UTP20: variants seen among roughly 807,000 people sequenced by gnomAD.
The protein encoded by UTP20 is small subunit processome component 20 homolog.
In UTP20, 164 loss-of-function variants were observed where a neutral mutation model predicts 329.5. The observed-to-expected ratio is 0.50, with a 90% CI of 0.44 to 0.57. The LOEUF (loss-of-function observed/expected upper bound fraction) is 0.57, where lower values mean the gene tolerates loss of function less well. Ranked by LOEUF, UTP20 falls within the 20% of genes least tolerant of loss-of-function variation. UTP20 has a pLI of 0.00. For synonymous variants in UTP20, 1,151 were observed against 1,159.3 expected, an observed-to-expected ratio of 0.99 and a Z score of 0.14; for missense variants, 3,055 against 3,284.2, an observed-to-expected ratio of 0.93 and a Z score of 1.71.
chr12:101,293,488 A>T (rs536210128), intron 11 of UTP20, among the ~76,000 whole-genome samples: 396 of 152,366 alleles, frequency 2.6e-3, no homozygotes, highest in Non-Finnish European at 4.3e-3. Flanking sequence ...AGAAACTTTT[A>T]TGTGAATTTG....
chr12:101,383,669 G>T lies in UTP20; in HGVS notation c.8056G>T (p.Asp2686Tyr). 1 of 1,596,160 alleles carries T rather than the reference G, an allele frequency of 6.3e-7. No homozygotes were observed. ...ACTCAACAGCACCTATTCAGAGCAA[G>T]GTAACCCTGCCTCGTCTGTTCTCCT... ...RELNSTYSEQ[D>Y]PLLKNLSQEI... is the part of the protein sequence containing the mutation. The change falls in exon 60 of 62, where the codon GAT becomes TAT. Residue 2686 changes from aspartate to tyrosine, a missense_variant and splice_region_variant. Physicochemically the swap from Asp to Tyr is radical, Grantham distance 160 (BLOSUM62 -3). This residue lies in a region of UTP20 where 337 missense variants were observed against 345.5 expected (regional missense o/e 0.98). Coordinates refer to ENST00000261637, the MANE Select transcript of UTP20 (RefSeq NM_014503.3).
At chr12:101,325,519 T>G (rs550204796) in intron 25 of UTP20, among the ~76,000 whole-genome samples, 1 of 152,388 alleles carries the variant, frequency 6.6e-6, no homozygotes, top group South Asian at 2.1e-4. Context: ...CTACTAGTCA[T>G]TCTTCATTGC....
chr12:101,385,218 A>C (rs1348594643), intron 60 of UTP20, among the ~76,000 whole-genome samples: 4 of 152,094 alleles, frequency 2.6e-5, no homozygotes, highest in African/African-American at 9.7e-5. Flanking sequence ...AAACAGAGGT[A>C]ATTCAAAACG....
At chr12:101,369,654 C>CT (rs1250638971) in intron 48 of UTP20, 67 bp from the exon 49 acceptor site, 1 of 782,832 alleles carries the variant, frequency 1.3e-6, no homozygotes, top group Non-Finnish European at 2.3e-6. Flanking sequence ...TCTGCATAGC[C>CT]TCAGGTGCTG....
At position 101,385,631 on chromosome 12, in the gene UTP20, A is replaced by G. The variant is rs1482509013; in HGVS notation, c.8105A>G (p.Lys2702Arg). The G allele has an allele frequency of 1.2e-6, 2 of 1,613,930 alleles. No homozygotes were observed. The highest frequency in any genetic ancestry group is 1.7e-6 in the Non-Finnish European group (2 of 1,180,020). ...CAGGAAATCATAGAATTACTCAAAAAGCTGGTTGGGCTTGAGAGCTTCTCA... is the reference window on the plus strand; with the variant it reads ...CAGGAAATCATAGAATTACTCAAAAGGCTGGTTGGGCTTGAGAGCTTCTCA... ...LSQEIIELLK[K>R]LVGLESFSLA... Residue 2702 changes from lysine to arginine, a missense_variant, in exon 61 of 62, where the codon AAG becomes AGG. Transcript: ENST00000261637.
chr12:101,385,995 A>C lies in UTP20; in HGVS notation c.8230A>C (p.Lys2744Gln), dbSNP rs779969473. The C allele has an allele frequency of 6.2e-6, 10 of 1,601,928 alleles. No homozygotes were observed. In the East Asian group the frequency reaches 8.9e-5, roughly 14 times the overall value. Reference protein sequence around the residue: ...EFVTNPDIAAKKKMKKHKNKS... With the variant: ...EFVTNPDIAAQKKMKKHKNKS... The stretch of plus-strand genomic sequence containing the variant: ...TGTAACTAATCCTGATATTGCTGCC[A>C]AGAAAAAAATGAAGAAACACAAAAA... The change falls in exon 62 of 62, where the codon AAG becomes CAG. Residue 2744 changes from lysine (K) to glutamine (Q), a missense_variant. Lys to Gln is a moderately conservative substitution (Grantham distance 53). Transcript: ENST00000261637.
Position 101,324,876 on chromosome 12 carries a change from A to G in UTP20, c.3042-2205A>G, listed in dbSNP as rs373733702. Among the ~76,000 whole-genome samples the G allele has an allele frequency of 2.0e-4, 31 of 152,298 alleles. 1 individual carries two copies. The highest frequency in any genetic ancestry group is 6.7e-4 in the African/African-American group (28 of 41,566). Reference sequence around the variant, plus strand: ...TCTTTCAATAAAGTGTTTTCATTTTATAACTACGTTTTGTTCTTGTAGAGG... The same window carrying G: ...TCTTTCAATAAAGTGTTTTCATTTTGTAACTACGTTTTGTTCTTGTAGAGG... On this transcript the variant is annotated intron_variant, in intron 25 of 61. Coordinates refer to ENST00000261637, the MANE Select transcript of UTP20 (RefSeq NM_014503.3).
In UTP20 at chr12:101,338,029, A is replaced by T. The variant is rs1205846652; in HGVS notation, c.3642-22A>T. ...TGAACATATTGAGAATAAGATGATT[A>T]CTACAATGTTTTTTCTTCCAGATAT... On this transcript the variant is annotated intron_variant, in intron 29 of 61. Coordinates refer to ENST00000261637, the MANE Select transcript of UTP20 (RefSeq NM_014503.3). 4 of 1,605,036 alleles carry T rather than the reference A, an allele frequency of 2.5e-6. No individual in the cohort carries two copies. In the South Asian group the frequency reaches 4.4e-5, roughly 18 times the overall value.
rs367568587 is a variant in UTP20, at chr12:101,290,821, A to G, written c.824A>G (p.Asn275Ser). Residue 275 changes from asparagine (N) to serine (S), a missense_variant, in exon 8 of 62, where the codon AAC (asparagine) becomes AGC (serine). Asn to Ser is a conservative substitution (Grantham distance 46). Around this residue, in one of 3 missense-constraint regions of UTP20, gnomAD observed 2,445 missense variants for 2,575.5 expected, o/e 0.95. Transcript: ENST00000261637. ...ATGTTAATTGGAGAAACACTCAAAA[A>G]CATGGTCAAATCCACTGTATCCTAC... Reference protein sequence around the residue: ...PWMLIGETLKNMVKSTVSYIS... With the variant: ...PWMLIGETLKSMVKSTVSYIS... The G allele has an allele frequency of 3.1e-6, 5 of 1,613,906 alleles. No homozygotes were observed. In the African/African-American group the frequency reaches 4.0e-5, roughly 13 times the overall value.
Position 101,363,638 on chromosome 12 carries a change from C to T in UTP20, c.5853C>T (p.Ser1951=), listed in dbSNP as rs757339501. 6.2e-6 allele frequency: 10 copies of T among 1,613,910 alleles called. No individual in the cohort carries two copies. Among genetic ancestry groups the T allele is most frequent in the Non-Finnish European group, 6.8e-6 (8 of 1,179,954 alleles). ...AGAAGGAAGTAAAGCAGATCCTCTC[C>T]AAAGTCATGGAAGCACGAAGAAGCA... ...AEEKEVKQIL[S]KVMEARRSKS... The change falls in exon 45 of 62, where the codon TCC becomes TCT. Residue 1951 remains serine, a synonymous_variant. Coordinates refer to ENST00000261637, the MANE Select transcript of UTP20 (RefSeq NM_014503.3).
intron 5 of UTP20, among the ~76,000 whole-genome samples, chr12:101,286,968 A>G (rs1451081981): frequency 6.6e-6 from 1 of 152,232 alleles, no homozygotes; most frequent in African/African-American, 2.4e-5. Context: ...CTAAGGTGAA[A>G]GAGACACTCA....
chr12:101,283,779 G>A (rs2137226718), intron 2 of UTP20, among the ~76,000 whole-genome samples: 1 of 152,130 alleles, frequency 6.6e-6, no homozygotes, highest in East Asian at 1.9e-4. Flanking sequence ...CAAACTCCTG[G>A]GCTCAAATGC....
intron 6 of UTP20, 55 bp from the exon 7 acceptor site, chr12:101,290,082 T>G: frequency 7.6e-7 from 1 of 1,316,694 alleles, no homozygotes; most frequent in Non-Finnish European, 1.0e-6. Flanking sequence ...GAGTTCTTCA[T>G]TTGGATATGT....
At chr12:101,345,015 G>C (rs1336142966) in intron 36 of UTP20, among the ~76,000 whole-genome samples, 28 of 124,012 alleles carry the variant, frequency 2.3e-4, no homozygotes, top group Non-Finnish European at 6.3e-5. Context: ...GCGTGATCTT[G>C]GCTCACTGCA....
intron 40 of UTP20, among the ~76,000 whole-genome samples, chr12:101,354,629 C>T (rs898100454): frequency 1.3e-5 from 2 of 152,184 alleles, no homozygotes; most frequent in African/African-American, 4.8e-5. Flanking sequence ...TTATTTGTCT[C>T]TCTTTAAACT....
Position 101,308,263 on chromosome 12 carries a change from T to G in UTP20, c.2074T>G (p.Tyr692Asp), listed in dbSNP as rs1237206733. Residue 692 changes from tyrosine (Y) to aspartate (D), a missense_variant, in exon 18 of 62, where the codon TAT (tyrosine) becomes GAT (aspartate). By Grantham distance (160) the Tyr-to-Asp change is radical. Around this residue, in one of 3 missense-constraint regions of UTP20, gnomAD observed 2,445 missense variants for 2,575.5 expected, o/e 0.95. Transcript: ENST00000261637. ...ACTTGTTCCAGCAACTGTGAATGAT[T>G]ATAGAGAGAAGCTTCTTCATTTGAG... ...AELVPATVND[Y>D]REKLLHLRKL... The G allele has an allele frequency of 6.2e-7, 1 of 1,613,124 alleles. No homozygotes were observed. The highest frequency in any genetic ancestry group is 2.2e-5 in the East Asian group (1 of 44,808).
chr12:101,291,976 T>C lies in UTP20; in HGVS notation c.1045T>C (p.Ser349Pro). 1.2e-6 allele frequency: 2 copies of C among 1,612,568 alleles called. No individual in the cohort carries two copies. Among genetic ancestry groups the C allele is most frequent in the Non-Finnish European group, 1.7e-6 (2 of 1,179,548 alleles). The change falls in exon 10 of 62, where the codon TCT (serine) becomes CCT (proline). Residue 349 changes from serine (S) to proline (P), a missense_variant. Ser to Pro is a moderately conservative substitution (Grantham distance 74). Around this residue, in one of 3 missense-constraint regions of UTP20, gnomAD observed 2,445 missense variants for 2,575.5 expected, o/e 0.95. Transcript: ENST00000261637. ...TTGTTTTTTCTTTTTGCAGGTGTTA[T>C]CTCAAACACTGCAAGTAGCCAGTCT... ...PTPADVCKVL[S>P]QTLQVASLST... is the part of the protein sequence containing the mutation.
In UTP20 at chr12:101,309,809, C is replaced by T; in HGVS notation, c.2201C>T (p.Ala734Val). ...GGCATGCTATATATTAATTTCAGTG[C>T]ACTCTGGGATCCTGTTATTGAACTC... ...LLGMLYINFS[A>V]LWDPVIELIS... The change falls in exon 19 of 62, where the codon GCA becomes GTA. Residue 734 changes from alanine to valine, a missense_variant. This residue lies in a region of UTP20 where 2,445 missense variants were observed against 2,575.5 expected (regional missense o/e 0.95). Coordinates refer to ENST00000261637, the MANE Select transcript of UTP20 (RefSeq NM_014503.3). The T allele has an allele frequency of 6.2e-7, 1 of 1,613,656 alleles. No homozygotes were observed. The highest frequency in any genetic ancestry group is 1.7e-5 in the Admixed American group (1 of 60,008).
chr12:101,383,023 C>T lies in UTP20; in HGVS notation c.7657-18C>T. 8.2e-6 allele frequency: 13 copies of T among 1,577,842 alleles called. No individual in the cohort carries two copies. Among genetic ancestry groups the T allele is most frequent in the Non-Finnish European group, 1.1e-5 (13 of 1,166,398 alleles). On this transcript the variant is annotated intron_variant, in intron 58 of 61. Transcript: ENST00000261637. The stretch of plus-strand genomic sequence containing the variant: ...AATCAATGTCCAATTTCTTCCCCCA[C>T]CCCGTTTTTTTTTAAAGGTTGTTAA...
Sources: allele counts gnomAD v4.1 joint callset (sites outside exome capture counted in the v4.1 genomes callset), GRCh38; gene constraint gnomAD v4.1.1; regional missense constraint gnomAD v4.1.1; transcripts MANE v1.5; gene names NCBI Gene and HGNC (gene_info 2026-07-23, HGNC 2026-07-21).